Variants in ASB4 observed in about 807,000 individuals in gnomAD.
ASB4 encodes ankyrin repeat and SOCS box protein 4.
In ASB4, 35 loss-of-function variants were observed where a neutral mutation model predicts 38.6. That is an observed-to-expected ratio of 0.91 (90% CI 0.69 to 1.20). The LOEUF (loss-of-function observed/expected upper bound fraction) is 1.20, where lower values mean the gene tolerates loss of function less well. Ranked by LOEUF, ASB4 falls within the 50% of genes most tolerant of loss-of-function variation. ASB4 has a pLI of 0.00. For missense variants in ASB4, 557 were observed against 527.2 expected, an observed-to-expected ratio of 1.06 and a Z score of -0.55; for synonymous variants, 195 against 201.3, an observed-to-expected ratio of 0.97 and a Z score of 0.26.
At chr7:95,484,026 T>TAAA (rs11431388), upstream of ASB4, among the ~76,000 whole-genome samples, 1,787 of 138,896 alleles carry the variant, frequency 0.013, 40 homozygotes, top group African/African-American at 0.045. Context: ...CATTAAAAAG[T>TAAA]AAAAAAAAAA....
At chr7:95,481,483 T>C (rs2116567520), upstream of ASB4, among the ~76,000 whole-genome samples, 1 of 152,326 alleles carries the variant, frequency 6.6e-6, no homozygotes, top group African/African-American at 2.4e-5. Flanking sequence ...CAAGGACATC[T>C]AATTCAGCTG....
At chr7:95,524,256 A>T (rs1029483293) in intron 2 of ASB4, among the ~76,000 whole-genome samples, 1 of 152,186 alleles carries the variant, frequency 6.6e-6, no homozygotes, top group Non-Finnish European at 1.5e-5. Flanking sequence ...GAATGGATAA[A>T]TTGTGGATTA....
the ASB4 span, among the ~76,000 whole-genome samples, chr7:95,551,083 C>A: frequency 6.6e-6 from 1 of 152,178 alleles, no homozygotes; most frequent in East Asian, 1.9e-4. Context: ...CAGGTTCAAG[C>A]AATTCTCCTG....
At chr7:95,495,291 A>G (rs1025847433) in intron 1 of ASB4, among the ~76,000 whole-genome samples, 1 of 152,218 alleles carries the variant, frequency 6.6e-6, no homozygotes, top group Non-Finnish European at 1.5e-5. Flanking sequence ...ACTATAGGAA[A>G]AAAGATTTTG....
chr7:95,490,256 T>A (rs945535412), intron 1 of ASB4, among the ~76,000 whole-genome samples: 69 of 152,356 alleles, frequency 4.5e-4, no homozygotes, highest in African/African-American at 1.6e-3. Context: ...TCTGAATGAA[T>A]AATTTCTTTA....
chr7:95,518,930 A>G (rs1790622680), intron 2 of ASB4, among the ~76,000 whole-genome samples: 1 of 152,212 alleles, frequency 6.6e-6, no homozygotes, highest in Admixed American at 6.5e-5. Context: ...GTAAGATTAT[A>G]GATAAGAAGA....
chr7:95,495,803 G>A lies in ASB4; in HGVS notation c.233G>A (p.Gly78Asp). The A allele has an allele frequency of 6.2e-7, 1 of 1,612,344 alleles. No homozygotes were observed. The highest frequency in any genetic ancestry group is 1.1e-5 in the South Asian group (1 of 90,998). ...SYKLKSSWATGLHLSVLFGHV... is the reference protein window; with the variant it reads ...SYKLKSSWATDLHLSVLFGHV... ...AAATTGAAGTCTTCCTGGGCCACAGGCCTCCATCTCTCTGTCTTGTTTGGC... is the reference window on the plus strand; with the variant it reads ...AAATTGAAGTCTTCCTGGGCCACAGACCTCCATCTCTCTGTCTTGTTTGGC... Residue 78 changes from glycine to aspartate, a missense_variant, in exon 2 of 5, where the codon GGC becomes GAC. By Grantham distance (94) the Gly-to-Asp change is moderately conservative. Coordinates refer to ENST00000325885, the MANE Select transcript of ASB4 (RefSeq NM_016116.3).
upstream of ASB4, among the ~76,000 whole-genome samples, chr7:95,474,923 C>T (rs1789961733): frequency 6.6e-6 from 1 of 152,216 alleles, no homozygotes; most frequent in African/African-American, 2.4e-5. Flanking sequence ...TCTGATGTTA[C>T]TGATCATTGA....
intron 3 of ASB4, among the ~76,000 whole-genome samples, chr7:95,533,859 A>G (rs1200162102): frequency 6.6e-6 from 1 of 152,172 alleles, no homozygotes; most frequent in African/African-American, 2.4e-5. Context: ...AATGGTAGCT[A>G]TTATTTTCCC....
chr7:95,541,772 A>G (rs928947596), downstream of ASB4, among the ~76,000 whole-genome samples: 3 of 152,138 alleles, frequency 2.0e-5, no homozygotes, highest in Non-Finnish European at 4.4e-5. Context: ...TCAGTGGGGG[A>G]AAGAGAAGGA....
At chr7:95,484,358 T>G (rs1297007895), upstream of ASB4, among the ~76,000 whole-genome samples, 1 of 152,074 alleles carries the variant, frequency 6.6e-6, no homozygotes, top group Non-Finnish European at 1.5e-5. Flanking sequence ...AAAACTAATC[T>G]ATAGTATTAG....
At chr7:95,502,400 G>T (rs111964010) in intron 2 of ASB4, among the ~76,000 whole-genome samples, 2 of 149,328 alleles carry the variant, frequency 1.3e-5, no homozygotes, top group Non-Finnish European at 3.0e-5. Context: ...GCGGGGGGGG[G>T]GCAAATTGAT....
intron 1 of ASB4, among the ~76,000 whole-genome samples, chr7:95,488,599 G>A (rs1488889020): frequency 6.6e-6 from 1 of 152,180 alleles, no homozygotes; most frequent in African/African-American, 2.4e-5. Context: ...ATTTCTGTGT[G>A]GCCTTAAAAG....
At chr7:95,488,072 T>C (rs1407450163) in intron 1 of ASB4, among the ~76,000 whole-genome samples, 1 of 152,220 alleles carries the variant, frequency 6.6e-6, no homozygotes, top group African/African-American at 2.4e-5. Context: ...CCGGGAGTGG[T>C]GGCTCACGCC....
chr7:95,515,267 C>CTCTTTCTTTCTTTCTT (rs1227960057), intron 2 of ASB4, among the ~76,000 whole-genome samples: 21 of 72,542 alleles, frequency 2.9e-4, no homozygotes, highest in South Asian at 1.1e-3. Flanking sequence ...TTCTTTCTTT[C>CTCTTTCTTTCTTTCTT]TCTTTCTTTC....
At chr7:95,511,909 G>A (rs1197317885) in intron 2 of ASB4, among the ~76,000 whole-genome samples, 2 of 152,084 alleles carry the variant, frequency 1.3e-5, no homozygotes, top group African/African-American at 4.8e-5. Context: ...CTACTTTAGA[G>A]TCCTGCCGCT....
chr7:95,472,718 G>A, the ASB4 span, among the ~76,000 whole-genome samples: 21 of 152,268 alleles, frequency 1.4e-4, no homozygotes, highest in South Asian at 2.9e-3. Flanking sequence ...CTACAAGGGA[G>A]CTTCTTTGCA....
chr7:95,502,064 T>C (rs891069594), intron 2 of ASB4, among the ~76,000 whole-genome samples: 2 of 151,138 alleles, frequency 1.3e-5, no homozygotes, highest in African/African-American at 4.9e-5. Flanking sequence ...AAGGGCTTAC[T>C]ATACGCAGAA....
At chr7:95,518,910 C>T (rs1790622319) in intron 2 of ASB4, among the ~76,000 whole-genome samples, 1 of 152,120 alleles carries the variant, frequency 6.6e-6, no homozygotes, top group Admixed American at 6.5e-5. Context: ...GGGAGAGTCA[C>T]TGGGAGTTAG....
Sources: allele counts gnomAD v4.1 joint callset (sites outside exome capture counted in the v4.1 genomes callset), GRCh38; gene constraint gnomAD v4.1.1; transcripts MANE v1.5; gene names NCBI Gene and HGNC (gene_info 2026-07-23, HGNC 2026-07-21).